Variants in DIAPH2 observed in about 807,000 individuals in gnomAD.
The protein encoded by DIAPH2 is protein diaphanous homolog 2.
A neutral mutation model predicts 92.7 loss-of-function variants in DIAPH2; 35 were observed. The ratio of observed to expected loss-of-function variants is 0.38; its 90% CI spans 0.29 to 0.50. The LOEUF (loss-of-function observed/expected upper bound fraction) is 0.50. DIAPH2 is among the 20% of genes least tolerant of loss of function. DIAPH2 has a pLI of 0.94. For missense variants in DIAPH2, 701 were observed against 819.5 expected (o/e 0.86, Z 1.77); for synonymous variants, 301 against 280.4 (o/e 1.07, Z -0.73).
At chrX:97,286,948 C>A (rs2068548332) in intron 23 of DIAPH2, among the ~76,000 whole-genome samples, 2 of 111,582 alleles carry the variant, frequency 1.8e-5, no homozygotes, top group Admixed American at 9.7e-5. Context: ...GGGTAAGGAG[C>A]AAGATGGAGC....
chrX:97,440,463 A>G (rs2070242348), intron 26 of DIAPH2, among the ~76,000 whole-genome samples: 1 of 109,511 alleles, frequency 9.1e-6, no homozygotes, highest in East Asian at 2.9e-4. Flanking sequence ...GTGGTGGCAG[A>G]CACCTGTAAT....
chrX:97,236,528 C>CT (rs895710524), intron 22 of DIAPH2, among the ~76,000 whole-genome samples: 15 of 103,703 alleles, frequency 1.4e-4, no homozygotes, highest in Non-Finnish European at 2.2e-4. Flanking sequence ...TTTCTTTTTC[C>CT]TTTTTTTTTC....
chrX:97,000,809 G>T (rs2066138807), intron 17 of DIAPH2, among the ~76,000 whole-genome samples: 1 of 111,618 alleles, frequency 9.0e-6, no homozygotes, highest in Non-Finnish European at 1.9e-5. Flanking sequence ...CAAATTCAAT[G>T]TTCAGTGTGT....
chrX:97,244,525 G>T (rs762523158), intron 22 of DIAPH2, among the ~76,000 whole-genome samples: 3 of 111,881 alleles, frequency 2.7e-5, no homozygotes, highest in Non-Finnish European at 5.6e-5. Context: ...ATTAGCAAAA[G>T]AAAATAATGC....
rs60441028 is a variant in DIAPH2, at chrX:96,775,353, T to TTGTGTGTGTGTGTGTGTGTGTG, written c.447+17113_447+17134dup. 8.4e-4 allele frequency among the ~76,000 whole-genome samples: 75 copies of TTGTGTGTGTGTGTGTGTGTGTG among 89,388 alleles called. 2 individuals are homozygous for TTGTGTGTGTGTGTGTGTGTGTG. Among genetic ancestry groups the TTGTGTGTGTGTGTGTGTGTGTG allele is most frequent in the Non-Finnish European group, 1.4e-3 (63 of 44,743 alleles). 77.6% of individuals were successfully genotyped at this position (89,388 alleles called of 115,157 possible). A position where few individuals can be genotyped will look rare whatever the true frequency, so the allele number is the denominator to read the frequency against. On this transcript the variant is annotated intron_variant, in intron 4 of 26. Coordinates refer to ENST00000324765, the MANE Select transcript of DIAPH2 (RefSeq NM_006729.5). ...CATTCTTATTTTACTCAACGTGTGC[T>TTGTGTGTGTGTGTGTGTGTGTG]TGTGTGTGTGTGTGTGTGTGTGTGT...
chrX:97,527,321 G>C (rs1355114735), intron 26 of DIAPH2, among the ~76,000 whole-genome samples: 1 of 112,342 alleles, frequency 8.9e-6, no homozygotes, highest in Non-Finnish European at 1.9e-5. Context: ...CTGATAGAAT[G>C]GAGGAATGTA....
At chrX:96,988,984 G>T (rs1285592950) in intron 17 of DIAPH2, among the ~76,000 whole-genome samples, 1 of 110,736 alleles carries the variant, frequency 9.0e-6, no homozygotes, top group Non-Finnish European at 1.9e-5. Context: ...GAGGGGGACT[G>T]AAAGTATACT....
intron 17 of DIAPH2, among the ~76,000 whole-genome samples, chrX:96,987,613 T>C (rs2066041246): frequency 8.9e-6 from 1 of 111,753 alleles, no homozygotes; most frequent in Non-Finnish European, 1.9e-5. Flanking sequence ...TTTGTTGTTA[T>C]TTAGAGATGC....
intron 4 of DIAPH2, among the ~76,000 whole-genome samples, chrX:96,868,706 G>A (rs546966287): frequency 5.4e-5 from 6 of 111,541 alleles, no homozygotes; most frequent in Admixed American, 1.9e-4. Context: ...TGCTGGGATG[G>A]TGAGGATATA....
chrX:97,279,808 G>A (rs978761884), intron 23 of DIAPH2, among the ~76,000 whole-genome samples: 1 of 111,071 alleles, frequency 9.0e-6, no homozygotes, highest in African/African-American at 3.3e-5. Flanking sequence ...TATACATCTC[G>A]GGCTGTTTCT....
intron 5 of DIAPH2, chrX:96,884,752 C>T (rs775071657): frequency 8.3e-7 from 1 of 1,210,049 alleles, no homozygotes; most frequent in Non-Finnish European, 1.1e-6. Flanking sequence ...AATTCATGTC[C>T]TAGAGGACAT....
chrX:97,492,073 G>A (rs963493162), intron 26 of DIAPH2, among the ~76,000 whole-genome samples: 1 of 111,876 alleles, frequency 8.9e-6, no homozygotes, highest in Admixed American at 9.5e-5. Flanking sequence ...ACAAATTTGT[G>A]TAGTTATAAT....
intron 4 of DIAPH2, among the ~76,000 whole-genome samples, chrX:96,836,886 C>T (rs1374332094): frequency 2.0e-5 from 2 of 99,443 alleles, no homozygotes; most frequent in Non-Finnish European, 4.1e-5. Context: ...CGCTACCACG[C>T]CCGGCTAATT....
At chrX:96,813,271 T>C (rs1426802193) in intron 4 of DIAPH2, among the ~76,000 whole-genome samples, 1 of 109,410 alleles carries the variant, frequency 9.1e-6, no homozygotes, top group African/African-American at 3.3e-5. Context: ...TTTACCATTA[T>C]ATAATGGCCT....
Position 97,338,118 on chromosome X carries a change from C to T in DIAPH2, c.2845-9998C>T, listed in dbSNP as rs774861995. ...AACTCCTGACCTCAGGTAATCTGCC[C>T]GCCTCGGCCTCCCAAAGTGCTGGGA... On this transcript the variant is annotated intron_variant, in intron 23 of 26. Transcript: ENST00000324765. Among the ~76,000 whole-genome samples, 6 of 110,378 alleles carry T rather than the reference C, an allele frequency of 5.4e-5. No homozygotes were observed. The East Asian group carries it at 1.1e-3, about 21-fold the overall frequency.
chrX:96,897,635 T>C (rs1465726417), intron 5 of DIAPH2, among the ~76,000 whole-genome samples: 1 of 111,241 alleles, frequency 9.0e-6, no homozygotes, highest in Non-Finnish European at 1.9e-5. Context: ...AAACTGACTG[T>C]AAAATTGAGA....
At chrX:97,194,351 G>C (rs1446780719) in intron 22 of DIAPH2, among the ~76,000 whole-genome samples, 1 of 104,411 alleles carries the variant, frequency 9.6e-6, no homozygotes, top group Non-Finnish European at 2.0e-5. Flanking sequence ...GCGTGATCTT[G>C]GCTCACTGCA....
intron 5 of DIAPH2, among the ~76,000 whole-genome samples, chrX:96,908,917 C>T (rs1352913607): frequency 9.0e-6 from 1 of 111,644 alleles, no homozygotes; most frequent in Non-Finnish European, 1.9e-5. Flanking sequence ...GATTCCTGAT[C>T]TGTGTTCTGC....
rs185569547 is a variant in DIAPH2, at chrX:97,443,667, C to T, written c.3241+13922C>T. Among the ~76,000 whole-genome samples the T allele has an allele frequency of 3.5e-4, 39 of 112,091 alleles. 1 individual carries two copies. The highest frequency in any genetic ancestry group is 1.2e-3 in the African/African-American group (36 of 30,928). ...GCATGTCCTATGTATGTTACCTTCA[C>T]GTGACCTTTCTACTCAGTAATGTTT... On this transcript the variant is annotated intron_variant, in intron 26 of 26. Transcript: ENST00000324765.
Sources: gnomAD v4.1 joint callset for allele counts (sites outside exome capture counted in the v4.1 genomes callset) on GRCh38, gnomAD v4.1.1 for gene constraint, MANE v1.5 for transcripts, NCBI Gene and HGNC (gene_info 2026-07-23, HGNC 2026-07-21) for gene names.